Variants in WDR90 observed in about 807,000 individuals in gnomAD.
WDR90 encodes the protein WD repeat-containing protein 90.
In WDR90, 238 loss-of-function variants were observed where a neutral mutation model predicts 195.2. The observed-to-expected ratio is 1.22, with a 90% CI of 1.10 to 1.36. The LOEUF (loss-of-function observed/expected upper bound fraction) is 1.36. WDR90 is among the 40% of genes most tolerant of loss of function. The pLI is 0.00. For synonymous variants in WDR90, 1,265 were observed against 1,052.4 expected, an observed-to-expected ratio of 1.20 and a Z score of -3.91; for missense variants, 2,734 against 2,439.5, an observed-to-expected ratio of 1.12 and a Z score of -2.54.
At chr16:657,479 G>A in intron 20 of WDR90, 1 of 712,024 alleles carries the variant, frequency 1.4e-6, no homozygotes, top group Non-Finnish European at 2.2e-6. Context: ...TCAGCAGCTG[G>A]AGTCAGACCC....
Position 659,382 on chromosome 16 carries a change from C to T in WDR90, c.3184+6C>T. 1.3e-6 allele frequency: 2 copies of T among 1,589,400 alleles called. No individual in the cohort carries two copies. The highest frequency in any genetic ancestry group is 1.7e-6 in the Non-Finnish European group (2 of 1,169,072). On this transcript the variant is annotated splice_donor_region_variant and intron_variant, in intron 26 of 40. Transcript: ENST00000293879. ...GCCTCCCGAAGGTGGCGATGGTGAG[C>T]AGCAGGGGTCCTGGAGGAGTGGGGG... is the stretch of plus-strand genomic sequence containing the variant.
At position 659,249 on chromosome 16, in the gene WDR90, G is replaced by A. The variant is rs540827916; in HGVS notation, c.3057G>A (p.Pro1019=). The A allele has an allele frequency of 1.6e-5, 26 of 1,611,504 alleles. No individual in the cohort carries two copies. Among genetic ancestry groups the A allele is most frequent in the South Asian group, 9.9e-5 (9 of 90,974 alleles). Residue 1019 remains proline, a synonymous_variant, in exon 26 of 41, where the codon CCG becomes CCA. Transcript: ENST00000293879. ...ACAGGGCTGCTTCTTCCCCAGGCCCGGGCGCAGGACCGCTGGAGGACGCAG... is the reference window on the plus strand; with the variant it reads ...ACAGGGCTGCTTCTTCCCCAGGCCCAGGCGCAGGACCGCTGGAGGACGCAG... The part of the protein sequence containing the change: ...PGAPPACKTG[P]GAGPLEDAAS...
intron 5 of WDR90, 34 bp from the exon 6 acceptor site, chr16:650,961 C>T: frequency 2.5e-6 from 4 of 1,606,690 alleles, no homozygotes; most frequent in South Asian, 1.1e-5. Context: ...GCTAAACAGC[C>T]TCCCTTGACC....
At chr16:659,401 G>A (rs1020177824) in intron 26 of WDR90, 25 bp downstream of exon 26, 2 of 1,584,738 alleles carry the variant, frequency 1.3e-6, no homozygotes, top group Non-Finnish European at 1.7e-6. Flanking sequence ...TCCTGGAGGA[G>A]TGGGGGGATT....
Position 665,775 on chromosome 16 carries a change from G to A in WDR90, c.4408G>A (p.Val1470Met). 1.9e-6 allele frequency: 3 copies of A among 1,599,042 alleles called. No individual in the cohort carries two copies. The highest frequency in any genetic ancestry group is 2.2e-5 in the South Asian group (2 of 90,134). ...GTGGGCCTTGGCCAGCATGGAGCTT[G>A]TGATCCAGTTCCAGGTGCTGAACCA... ...RVWALASMEL[V>M]IQFQVLNQSC... Residue 1470 changes from valine (V) to methionine (M), a missense_variant, in exon 35 of 41, where the codon GTG becomes ATG. Transcript: ENST00000293879.
At position 650,698 on chromosome 16, in the gene WDR90, G is replaced by A; in HGVS notation, c.548G>A (p.Cys183Tyr). The stretch of plus-strand genomic sequence containing the variant: ...AGGAACCTGTACACCAGTGACCTGT[G>A]CTTTGAGCCTGGTGAGGGCCGCACC... ...LVRNLYTSDL[C>Y]FEPAISGAQW... The change falls in exon 5 of 41, where the codon TGC (cysteine) becomes TAC (tyrosine). Residue 183 changes from cysteine to tyrosine, a missense_variant. Cys to Tyr is a radical substitution (Grantham distance 194, BLOSUM62 -2). Coordinates refer to ENST00000293879, the MANE Select transcript of WDR90 (RefSeq NM_145294.5). 6.2e-7 allele frequency: 1 copy of A among 1,608,308 alleles called. No homozygotes were observed. Among genetic ancestry groups the A allele is most frequent in the Non-Finnish European group, 8.5e-7 (1 of 1,176,244 alleles).
At position 652,451 on chromosome 16, in the gene WDR90, C is replaced by A. The variant is rs775655922; in HGVS notation, c.1054-16C>A. ...GGCTGAGCCTCCCAGGACTTTGATG[C>A]GAATGGCTGTTTCAGGGCTTCCTCC... On this transcript the variant is annotated splice_polypyrimidine_tract_variant and intron_variant, in intron 9 of 40. Transcript: ENST00000293879. 6.3e-7 allele frequency: 1 copy of A among 1,593,770 alleles called. No individual in the cohort carries two copies. Among genetic ancestry groups the A allele is most frequent in the Non-Finnish European group, 8.6e-7 (1 of 1,168,762 alleles).
At chr16:665,868 G>A (rs1954013637) in intron 35 of WDR90, 67 bp downstream of exon 35, 13 of 1,551,910 alleles carry the variant, frequency 8.4e-6, no homozygotes, top group Admixed American at 5.4e-5. Flanking sequence ...TGGCATGGGC[G>A]GGGCCGCCTC....
At chr16:658,745 A>G in intron 23 of WDR90, 92 bp downstream of exon 23, 2 of 1,560,192 alleles carry the variant, frequency 1.3e-6, no homozygotes, top group Non-Finnish European at 1.7e-6. Flanking sequence ...GGGCAGGGAG[A>G]GCAGAAGGTG....
At position 650,085 on chromosome 16, in the gene WDR90, G is replaced by T; in HGVS notation, c.197G>T (p.Gly66Val). Residue 66 changes from glycine (G) to valine (V), a missense_variant, in exon 3 of 41, where the codon GGG becomes GTG. Transcript: ENST00000293879. ...CCTAAGAGCAGCACCCAGTCTCTGG[G>T]GCTGACGGGACGATACCTGTATGTG... ...QLPKSSTQSLGLTGRYLYVLF... is the reference protein window; with the variant it reads ...QLPKSSTQSLVLTGRYLYVLF... The T allele has an allele frequency of 6.2e-7, 1 of 1,613,058 alleles. No individual in the cohort carries two copies. The highest frequency in any genetic ancestry group is 8.5e-7 in the Non-Finnish European group (1 of 1,179,978).
intron 35 of WDR90, 61 bp downstream of exon 35, chr16:665,862 A>G: frequency 6.4e-7 from 1 of 1,551,768 alleles, no homozygotes; most frequent in African/African-American, 1.4e-5. Context: ...GGGGCCTGGC[A>G]TGGGCGGGGC....
chr16:650,717 C>T lies in WDR90; in HGVS notation c.559+8C>T. ...ACCTGTGCTTTGAGCCTGGTGAGGGCCGCACCTGCACTCCCCACTCCATAT... is the reference window on the plus strand; with the variant it reads ...ACCTGTGCTTTGAGCCTGGTGAGGGTCGCACCTGCACTCCCCACTCCATAT... On this transcript the variant is annotated splice_region_variant and intron_variant, in intron 5 of 40. Transcript: ENST00000293879. 2 of 1,602,742 alleles carry T rather than the reference C, an allele frequency of 1.2e-6. No individual in the cohort carries two copies. Among genetic ancestry groups the T allele is most frequent in the Non-Finnish European group, 1.7e-6 (2 of 1,171,750 alleles).
rs1057198716 is a variant in WDR90 at position 660,183 on chromosome 16, C to T, written c.3288+22C>T. 6 of 1,484,916 alleles carry T rather than the reference C, an allele frequency of 4.0e-6. No homozygotes were observed. In the Admixed American group the frequency reaches 6.8e-5, roughly 17 times the overall value. The allele number at this position is 1,484,916 out of a possible 1,614,324, so 92.0% of individuals were successfully genotyped here. ...CAAGGTGGGGAGTGGTTTCTGGGAG[C>T]CCTCTTTATCCCCAGCAAGCACAGA... On this transcript the variant is annotated intron_variant, in intron 27 of 40. Coordinates refer to ENST00000293879, the MANE Select transcript of WDR90 (RefSeq NM_145294.5).
At chr16:666,428 G>A (rs3743909) in intron 37 of WDR90, 27 bp from the exon 38 acceptor site, 683,722 of 1,607,674 alleles carry the variant, frequency 0.43, 165,089 homozygotes, top group East Asian at 0.97. Context: ...GAAGGCACCT[G>A]TCGGCCCTCA....
rs899930112 is a variant in WDR90 at position 649,563 on chromosome 16, G to A, written c.10+137G>A. The A allele has an allele frequency of 6.3e-5, 76 of 1,204,620 alleles. No homozygotes were observed. The Admixed American group carries it at 6.8e-4, about 11-fold the overall frequency. The allele number at this position is 1,204,620 out of a possible 1,614,324, so 74.6% of individuals were successfully genotyped here. On this transcript the variant is annotated intron_variant, in intron 1 of 40. Coordinates refer to ENST00000293879, the MANE Select transcript of WDR90 (RefSeq NM_145294.5). ...CCGCTCAGGCAGGGTCCCGTCTGCC[G>A]GGCGCCCACCCTCGGGCTCCCGGAG... is the stretch of plus-strand genomic sequence containing the variant.
intron 26 of WDR90, among the ~76,000 whole-genome samples, chr16:659,657 C>G (rs1254084370): frequency 1.3e-5 from 2 of 152,208 alleles, no homozygotes; most frequent in Non-Finnish European, 2.9e-5. Context: ...GTGAGGAGAG[C>G]TGTGACCCCG....
rs2038031953 is a variant in WDR90 at position 666,222 on chromosome 16, C to T, written c.4612C>T (p.Gln1538Ter). 11 of 1,611,972 alleles carry T rather than the reference C, an allele frequency of 6.8e-6. No individual in the cohort carries two copies. The highest frequency in any genetic ancestry group is 8.5e-6 in the Non-Finnish European group (10 of 1,179,514). ...ACAGGGTGACGGCATGGTCCCAGGT[C>T]AGACTGTCCTCTCTGGAGACAAGGA... ...LTTVAFSTDG[Q>*]TVLSGDKDGL... is the part of the protein sequence containing the mutation. Residue 1538 changes from glutamine (Q) to a stop codon, truncating the protein, a stop_gained and splice_region_variant, in exon 37 of 41, where the codon CAG (glutamine) becomes TAG (stop). Transcript: ENST00000293879. LOFTEE classifies it high-confidence loss of function.
Position 651,943 on chromosome 16 carries a change from G to A in WDR90, c.957G>A (p.Gln319=). The change falls in exon 9 of 41, where the codon CAG becomes CAA. Residue 319 remains glutamine, a synonymous_variant. Coordinates refer to ENST00000293879, the MANE Select transcript of WDR90 (RefSeq NM_145294.5). ...TCCATAGCCTTGAGCCCTGGGCCCA[G>A]CTGGAGGCCTCTGACATCCACACGG... ...PGFHSLEPWA[Q]LEASDIHTAA... The A allele has an allele frequency of 8.7e-6, 14 of 1,608,750 alleles. No individual in the cohort carries two copies. The highest frequency in any genetic ancestry group is 1.2e-5 in the Non-Finnish European group (14 of 1,178,556).
intron 3 of WDR90, 40 bp downstream of exon 3, chr16:650,207 C>T (rs1266794641): frequency 3.7e-6 from 6 of 1,610,350 alleles, no homozygotes. Context: ...GGAGCCCCGG[C>T]ACCCCTGCGG....
Sources: allele counts gnomAD v4.1 joint callset (sites outside exome capture counted in the v4.1 genomes callset), GRCh38; gene constraint gnomAD v4.1.1; transcripts MANE v1.5; gene names NCBI Gene and HGNC (gene_info 2026-07-23, HGNC 2026-07-21).